CROCC2: variants seen among roughly 807,000 people sequenced by gnomAD.
CROCC2 encodes ciliary rootlet coiled-coil, rootletin family member 2.
Under a neutral mutation model 177.6 loss-of-function variants are expected in CROCC2, and 163 were observed. The observed-to-expected ratio is 0.92, with a 90% CI of 0.81 to 1.05. The LOEUF is 1.05. Ranked by LOEUF, CROCC2 falls within the 50% of genes least tolerant of loss-of-function variation. The pLI is 0.00. For missense variants in CROCC2, 1,929 were observed against 1,797.8 expected (o/e 1.07, Z -1.32); for synonymous variants, 904 against 787.3 (o/e 1.15, Z -2.48).
chr2:240,949,487 G>A lies in CROCC2; in HGVS notation c.2483-46G>A, dbSNP rs981440513. 7.8e-6 allele frequency: 12 copies of A among 1,541,858 alleles called. No individual in the cohort carries two copies. The highest frequency in any genetic ancestry group is 9.6e-6 in the Non-Finnish European group (11 of 1,140,432). On this transcript the variant is annotated intron_variant, in intron 16 of 31. Coordinates refer to ENST00000690015, the MANE Select transcript of CROCC2 (RefSeq NM_001351305.2). This position sits in a 1 kb window ranked among gnomAD's most constrained non-coding sequence, Gnocchi z 4.5. ...CCCTAGGAAGTCCCAAAGGGTTCAG[G>A]GGTCCACATGCCAGGCCCTGGTGCA...
At chr2:240,951,554 A>T (rs898569228) in intron 18 of CROCC2, among the ~76,000 whole-genome samples, 3 of 152,160 alleles carry the variant, frequency 2.0e-5, no homozygotes, top group Non-Finnish European at 4.4e-5. Context: ...CCATGCATCC[A>T]CATTCGTAGC....
rs1410003040 is a variant in CROCC2, at chr2:240,946,165, C to T, written c.2275C>T (p.Leu759=). The change falls in exon 15 of 32, where the codon CTG becomes TTG. Residue 759 remains leucine, a synonymous_variant. Transcript: ENST00000690015. Reference sequence around the variant, plus strand: ...GCAAGCCCTGCAAGGAAAGGATGCTCTGTCTGAGGAGCGGGCCCAGCTGCT... The same window carrying T: ...GCAAGCCCTGCAAGGAAAGGATGCTTTGTCTGAGGAGCGGGCCCAGCTGCT... ...LQQALQGKDA[L]SEERAQLLAK... is the part of the protein sequence containing the mutation. The T allele has an allele frequency of 6.5e-7, 1 of 1,548,720 alleles. No homozygotes were observed. Among genetic ancestry groups the T allele is most frequent in the South Asian group, 1.2e-5 (1 of 84,000 alleles).
In CROCC2 at chr2:240,934,459, G is replaced by A. The variant is rs1474028277; in HGVS notation, c.1775G>A (p.Arg592His). The A allele has an allele frequency of 2.2e-5, 34 of 1,548,038 alleles. No individual in the cohort carries two copies. Among genetic ancestry groups the A allele is most frequent in the Admixed American group, 9.8e-5 (5 of 50,968 alleles). ...GTGGAGAGTGAGAGGGAGGGACTGC[G>A]CAGCGCCCTGGCGCGGGTACACTCT... ...DVVESEREGL[R>H]SALARAECSN... The change falls in exon 12 of 32, where the codon CGC becomes CAC. Residue 592 changes from arginine (R) to histidine (H), a missense_variant. Coordinates refer to ENST00000690015, the MANE Select transcript of CROCC2 (RefSeq NM_001351305.2).
intron 27 of CROCC2, among the ~76,000 whole-genome samples, chr2:240,980,978 G>A (rs1254584310): frequency 5.4e-5 from 5 of 92,566 alleles, no homozygotes; most frequent in Non-Finnish European, 1.0e-4. Flanking sequence ...TCTGGGGTAG[G>A]AGCCTCAGGA....
Position 240,982,995 on chromosome 2 carries a change from A to T in CROCC2, c.4517A>T (p.Gln1506Leu), listed in dbSNP as rs1165591253. ...CTCACCAACTTGGAGCACAGGTGCCAGAAGGCTGAGGTATCGCTGGAGCCC... is the reference window on the plus strand; with the variant it reads ...CTCACCAACTTGGAGCACAGGTGCCTGAAGGCTGAGGTATCGCTGGAGCCC... ...EQLTNLEHRC[Q>L]KAEVSLEPLR... Residue 1506 changes from glutamine (Q) to leucine (L), a missense_variant, in exon 28 of 32, where the codon CAG becomes CTG. By Grantham distance (113) the Gln-to-Leu change is moderately radical (BLOSUM62 -2). This residue lies in a region of CROCC2 where 388 missense variants were observed against 352.7 expected (regional missense o/e 1.10). Transcript: ENST00000690015. This position sits in a 1 kb window ranked among gnomAD's most constrained non-coding sequence, Gnocchi z 4.7. 2.1e-5 allele frequency: 33 copies of T among 1,550,390 alleles called. No homozygotes were observed. The highest frequency in any genetic ancestry group is 2.8e-5 in the Non-Finnish European group (32 of 1,146,994).
At chr2:240,928,799 G>T (rs2059410396) in intron 5 of CROCC2, among the ~76,000 whole-genome samples, 1 of 145,164 alleles carries the variant, frequency 6.9e-6, no homozygotes, top group African/African-American at 2.5e-5. Flanking sequence ...GGGGTAACGG[G>T]CTCAGAGGAG....
At chr2:240,951,063 C>T (rs2059552999) in intron 18 of CROCC2, 1 of 152,706 alleles carries the variant, frequency 6.5e-6, no homozygotes, top group Admixed American at 6.5e-5. Flanking sequence ...ATCCATCTAC[C>T]CACCCATTCA....
At chr2:240,911,616 C>T (rs2059289143) in intron 1 of CROCC2, among the ~76,000 whole-genome samples, 1 of 152,070 alleles carries the variant, frequency 6.6e-6, no homozygotes, top group Admixed American at 6.6e-5. Flanking sequence ...TTCATCTTCC[C>T]AAACTGAGAC....
At chr2:240,991,944 G>T (rs1218654964) in intron 31 of CROCC2, among the ~76,000 whole-genome samples, 2 of 152,206 alleles carry the variant, frequency 1.3e-5, no homozygotes, top group African/African-American at 4.8e-5. Context: ...CGGCCGTCAC[G>T]GTGGCAGGTG....
Position 240,982,790 on chromosome 2 carries a change from G to A in CROCC2, c.4402-90G>A. 8.5e-7 allele frequency: 1 copy of A among 1,177,968 alleles called. No individual in the cohort carries two copies. The allele number at this position is 1,177,968 out of a possible 1,614,324, so 73.0% of individuals were successfully genotyped here. On this transcript the variant is annotated intron_variant, in intron 27 of 31. Coordinates refer to ENST00000690015, the MANE Select transcript of CROCC2 (RefSeq NM_001351305.2). The surrounding 1 kb of genome is among the most constrained non-coding windows in gnomAD (Gnocchi z 4.7). ...CCCAGCGATACGGTCCTGCCAGACG[G>A]TCTAGGCAGATGCCCTGAGGCCAGG...
chr2:240,992,305 C>T (rs1184699579), intron 31 of CROCC2, among the ~76,000 whole-genome samples: 2 of 152,204 alleles, frequency 1.3e-5, no homozygotes, highest in African/African-American at 4.8e-5. Flanking sequence ...CCGTCCCAGT[C>T]GCAAGGACTC....
Position 240,932,364 on chromosome 2 carries a change from G to T in CROCC2, c.994G>T (p.Glu332Ter). Residue 332 changes from glutamate to a stop codon, truncating the protein, a stop_gained, in exon 8 of 32, where the codon GAG becomes TAG. Coordinates refer to ENST00000690015, the MANE Select transcript of CROCC2 (RefSeq NM_001351305.2). LOFTEE classifies it high-confidence loss of function. The part of the protein sequence containing the change: ...LLVEKLTEQN[E>*]QKAKTIAALR... ...GGTGGAGAAGCTTACAGAGCAGAAT[G>T]AGCAGAAGGCGAAGACCATCGCTGC... 1 of 717,464 alleles carries T rather than the reference G, an allele frequency of 1.4e-6. No homozygotes were observed. Among genetic ancestry groups the T allele is most frequent in the South Asian group, 1.5e-5 (1 of 67,582 alleles). 44.4% of individuals were successfully genotyped at this position (717,464 alleles called of 1,614,324 possible).
intron 20 of CROCC2, among the ~76,000 whole-genome samples, chr2:240,962,993 T>C (rs1188280627): frequency 1.3e-5 from 2 of 152,146 alleles, no homozygotes; most frequent in Admixed American, 1.3e-4. Flanking sequence ...CTGCCTCCCA[T>C]GCCAACGGGG....
rs1207732466 is a variant in CROCC2 at position 240,949,564 on chromosome 2, G to A, written c.2514G>A (p.Glu838=). The change falls in exon 17 of 32, where the codon GAG becomes GAA. Residue 838 remains glutamate (E), a synonymous_variant. Coordinates refer to ENST00000690015, the MANE Select transcript of CROCC2 (RefSeq NM_001351305.2). This position sits in a 1 kb window ranked among gnomAD's most constrained non-coding sequence, Gnocchi z 4.5. ...VEMEQLQSDW[E]VQEMKLRQDT... Reference sequence around the variant, plus strand: ...TGGAGCAGCTACAAAGTGACTGGGAGGTCCAGGAAATGAAGCTGCGGCAGG... The same window carrying A: ...TGGAGCAGCTACAAAGTGACTGGGAAGTCCAGGAAATGAAGCTGCGGCAGG... 1.3e-6 allele frequency: 2 copies of A among 1,550,572 alleles called. No individual in the cohort carries two copies.
intron 14 of CROCC2, among the ~76,000 whole-genome samples, chr2:240,940,860 G>C (rs893935309): frequency 6.6e-6 from 1 of 152,112 alleles, no homozygotes; most frequent in South Asian, 2.1e-4. Context: ...AATCAGACAA[G>C]AGAAAGAAAT....
rs1369654986 is a variant in CROCC2 at position 240,935,308 on chromosome 2, G to A, written c.1939-50G>A. 11 of 1,325,336 alleles carry A rather than the reference G, an allele frequency of 8.3e-6. No homozygotes were observed. In the Admixed American group the frequency reaches 3.2e-4, roughly 38 times the overall value. 82.1% of individuals were successfully genotyped at this position (1,325,336 alleles called of 1,614,324 possible). ...GGCCTTGGGGATGGCTGGCCTACAG[G>A]GACCGAGGATGGGGGGAGTGGATGC... On this transcript the variant is annotated intron_variant, in intron 13 of 31. Coordinates refer to ENST00000690015, the MANE Select transcript of CROCC2 (RefSeq NM_001351305.2).
rs971568377 is a variant in CROCC2 at position 240,982,511 on chromosome 2, TC to T, written c.4402-368del. The T allele has an allele frequency of 1.1e-5, 2 of 178,666 alleles. No homozygotes were observed. Among genetic ancestry groups the T allele is most frequent in the African/African-American group, 4.7e-5 (2 of 42,260 alleles). The allele number at this position is 178,666 out of a possible 1,614,324, so 11.1% of individuals were successfully genotyped here. On this transcript the variant is annotated intron_variant, in intron 27 of 31. Transcript: ENST00000690015. The surrounding 1 kb of genome is among the most constrained non-coding windows in gnomAD (Gnocchi z 4.7). ...TCCAGGAGCCTTGGGGAGGGTCACC[TC>T]AGGCTTTATCCCAAGGGCAGTAGGA...
At chr2:240,920,229 C>T (rs920018408) in intron 3 of CROCC2, 95 bp downstream of exon 3, 2 of 584,724 alleles carry the variant, frequency 3.4e-6, no homozygotes, top group African/African-American at 3.8e-5. Flanking sequence ...AGCCTGGGAC[C>T]ATCGGCAATT....
At chr2:240,970,989 G>C (rs919529787) in intron 27 of CROCC2, among the ~76,000 whole-genome samples, 4 of 152,164 alleles carry the variant, frequency 2.6e-5, no homozygotes, top group Non-Finnish European at 5.9e-5. Context: ...GGGCATCCGG[G>C]CTCATCCCAG....
Sources: allele counts gnomAD v4.1 joint callset (sites outside exome capture counted in the v4.1 genomes callset), GRCh38; gene constraint gnomAD v4.1.1; regional missense constraint gnomAD v4.1.1; non-coding constraint Gnocchi (gnomAD v3.1); transcripts MANE v1.5; gene names NCBI Gene and HGNC (gene_info 2026-07-23, HGNC 2026-07-21).